Variants in IDH3A observed in about 807,000 individuals in gnomAD.
The protein encoded by IDH3A is isocitrate dehydrogenase (NAD(+)) 3 catalytic subunit alpha, also known as isocitrate dehydrogenase [NAD] subunit alpha, mitochondrial.
IDH3A carries 23 observed loss-of-function variants against 43.3 expected under a neutral mutation model. The observed-to-expected ratio is 0.53, with a 90% CI of 0.38 to 0.75. IDH3A has a LOEUF of 0.75. Ranked by LOEUF, IDH3A falls within the 30% of genes least tolerant of loss-of-function variation. IDH3A has a pLI of 0.00. For missense variants in IDH3A, 329 were observed against 474.4 expected, an observed-to-expected ratio of 0.69 and a Z score of 2.85; for synonymous variants, 154 against 163.5, an observed-to-expected ratio of 0.94 and a Z score of 0.44.
At chr15:78,168,195 G>T (rs1351129179) in intron 10 of IDH3A, 1 of 151,938 alleles carries the variant, frequency 6.6e-6, no homozygotes, top group African/African-American at 2.4e-5. Flanking sequence ...GCTGAGGCAG[G>T]AGGATCACCT....
At chr15:78,162,447 A>C (rs1466231612) in intron 6 of IDH3A, 80 bp downstream of exon 6, 1 of 1,502,020 alleles carries the variant, frequency 6.7e-7, no homozygotes, top group African/African-American at 1.4e-5. Flanking sequence ...TCTCCTCTTC[A>C]GCTTGTTCCT....
chr15:78,152,517 C>G (rs372102782), intron 1 of IDH3A, among the ~76,000 whole-genome samples: 1 of 151,778 alleles, frequency 6.6e-6, no homozygotes, highest in East Asian at 1.9e-4. Context: ...TGTGCCACCA[C>G]GCCTGGCTAA....
Position 78,171,397 on chromosome 15 carries a change from G to A in IDH3A, c.*2392G>A, listed in dbSNP as rs199991915. On this transcript the variant is annotated 3_prime_UTR_variant, in exon 11 of 11. Transcript: ENST00000299518. ...AGACCTGGGGCTCAGGAAGAGGCTCGGAACGCCTGCCCTCTATTCTATAGA... is the reference window on the plus strand; with the variant it reads ...AGACCTGGGGCTCAGGAAGAGGCTCAGAACGCCTGCCCTCTATTCTATAGA... 4.7e-4 allele frequency: 714 copies of A among 1,533,968 alleles called. No individual in the cohort carries two copies. Among genetic ancestry groups the A allele is most frequent in the African/African-American group, 8.5e-4 (62 of 72,974 alleles).
At chr15:78,163,397 T>C in intron 6 of IDH3A, 110 bp from the exon 7 acceptor site, 1 of 683,336 alleles carries the variant, frequency 1.5e-6, no homozygotes, top group South Asian at 1.9e-5. Context: ...TGGGATCAGG[T>C]AGCTTGGCTT....
intron 10 of IDH3A, 182 bp downstream of exon 10, chr15:78,166,484 C>G (rs2074744388): frequency 1.5e-6 from 1 of 653,296 alleles, no homozygotes; most frequent in Admixed American, 2.6e-5. Flanking sequence ...TGTGCATTTT[C>G]TGAGGTGAGG....
chr15:78,151,617 C>A (rs1346660164), intron 1 of IDH3A: 1 of 151,370 alleles, frequency 6.6e-6, no homozygotes, highest in Non-Finnish European at 1.5e-5. Context: ...CCATGTACAA[C>A]ACTATTTACA....
chr15:78,157,142 T>C, intron 2 of IDH3A: 2 of 1,115,330 alleles, frequency 1.8e-6, no homozygotes, highest in Non-Finnish European at 2.2e-6. Flanking sequence ...CTTGCCTTCA[T>C]GAGAAACCGT....
intron 10 of IDH3A, chr15:78,167,470 T>TA (rs2141304909): frequency 6.6e-6 from 1 of 152,346 alleles, no homozygotes; most frequent in South Asian, 2.1e-4. Flanking sequence ...GACTCATCCC[T>TA]AATTTGAGGT....
rs2074708319 is a variant in IDH3A at position 78,163,758 on chromosome 15, A to G, written c.757A>G (p.Asn253Asp). Residue 253 changes from asparagine (N) to aspartate (D), a missense_variant, in exon 8 of 11, where the codon AAT becomes GAT. By Grantham distance (23) the Asn-to-Asp change is conservative. Transcript: ENST00000299518. ...PSQFDVLVMP[N>D]LYGDILSDLC... Reference sequence around the variant, plus strand: ...CCAATTTGATGTTCTTGTTATGCCAAATTTGTATGGAGACATCCTTAGGTG... The same window carrying G: ...CCAATTTGATGTTCTTGTTATGCCAGATTTGTATGGAGACATCCTTAGGTG... 1.2e-6 allele frequency: 2 copies of G among 1,612,206 alleles called. No individual in the cohort carries two copies. The highest frequency in any genetic ancestry group is 1.7e-6 in the Non-Finnish European group (2 of 1,178,412).
In IDH3A at chr15:78,161,615, A is replaced by G. The variant is rs2074681955; in HGVS notation, c.324A>G (p.Pro108=). 1.9e-6 allele frequency: 3 copies of G among 1,614,032 alleles called. No homozygotes were observed. The African/African-American group carries it at 4.0e-5, about 22-fold the overall frequency. ...PLKTPIAAGH[P]SMNLLLRKTF... ...AGACCCCAATAGCAGCCGGTCACCC[A>G]TCTATGAATTTACTGCTGCGCAAAA... is the stretch of plus-strand genomic sequence containing the variant. The change falls in exon 5 of 11, where the codon CCA becomes CCG. Residue 108 remains proline (P), a synonymous_variant. Coordinates refer to ENST00000299518, the MANE Select transcript of IDH3A (RefSeq NM_005530.3). This position sits in a 1 kb window ranked among gnomAD's most constrained non-coding sequence, Gnocchi z 4.8.
intron 4 of IDH3A, among the ~76,000 whole-genome samples, chr15:78,160,811 T>C (rs1002917517): frequency 6.6e-6 from 1 of 151,878 alleles, no homozygotes; most frequent in Non-Finnish European, 1.5e-5. Flanking sequence ...ATTTTTATTA[T>C]TATTTTAATT....
At position 78,155,270 on chromosome 15, in the gene IDH3A, G is replaced by C; in HGVS notation, c.85G>C (p.Gly29Arg). Residue 29 changes from glycine (G) to arginine (R), a missense_variant, in exon 2 of 11, where the codon GGT (glycine) becomes CGT (arginine). This residue lies in a region of IDH3A where 212 missense variants were observed against 345.5 expected (regional missense o/e 0.61). Transcript: ENST00000299518. ...AAAACAGGTGACCAGAGGTTTTACT[G>C]GTGGTGTGAGTATAATTATGTCTTT... ...NPKQVTRGFT[G>R]GVQTVTLIPG... 3.1e-6 allele frequency: 5 copies of C among 1,608,666 alleles called. No individual in the cohort carries two copies. The highest frequency in any genetic ancestry group is 4.3e-6 in the Non-Finnish European group (5 of 1,175,328).
At chr15:78,154,510 A>G (rs928364947) in intron 1 of IDH3A, 3 of 152,268 alleles carry the variant, frequency 2.0e-5, no homozygotes, top group East Asian at 1.9e-4. Flanking sequence ...CATTTTGCCA[A>G]TTATTCGCTG....
At position 78,149,367 on chromosome 15, in the gene IDH3A, C is replaced by A. The variant is rs529223207; in HGVS notation, c.-37C>A. On this transcript the variant is annotated 5_prime_UTR_variant, in exon 1 of 11. Coordinates refer to ENST00000299518, the MANE Select transcript of IDH3A (RefSeq NM_005530.3). ...CGTGGGGTGGGCGCTTGCGCACTGC[C>A]GCTGCGGCTGTTGCTGCGGAGCCAG... 5 of 1,521,454 alleles carry A rather than the reference C, an allele frequency of 3.3e-6. No homozygotes were observed. The highest frequency in any genetic ancestry group is 4.4e-6 in the Non-Finnish European group (5 of 1,141,364). 94.2% of individuals were successfully genotyped at this position (1,521,454 alleles called of 1,614,324 possible).
intron 10 of IDH3A, chr15:78,168,417 A>G (rs1246233942): frequency 6.6e-6 from 1 of 152,142 alleles, no homozygotes; most frequent in Non-Finnish European, 1.5e-5. Context: ...TGAACCCAGG[A>G]GGCAGAGGTT....
chr15:78,156,910 C>A (rs2074627666), intron 2 of IDH3A: 1 of 1,351,728 alleles, frequency 7.4e-7, no homozygotes, highest in East Asian at 4.5e-5. Flanking sequence ...GGTTGCAGAT[C>A]AACTTTGCCA....
At chr15:78,164,438 TA>T (rs1373435353) in intron 8 of IDH3A, among the ~76,000 whole-genome samples, 2 of 151,600 alleles carry the variant, frequency 1.3e-5, no homozygotes, top group African/African-American at 2.4e-5. Context: ...CTGCAACCTC[TA>T]CCTCCCAGGT....
Position 78,162,225 on chromosome 15 carries a change from G to A in IDH3A, c.478-9G>A. 1 of 1,614,084 alleles carries A rather than the reference G, an allele frequency of 6.2e-7. No individual in the cohort carries two copies. Among genetic ancestry groups the A allele is most frequent in the African/African-American group, 1.3e-5 (1 of 75,058 alleles). ...TCTTTCCAGCAAGGTGGGACTTCCT[G>A]TCTTGCAGATTGTTGATGGAGTCGT... is the stretch of plus-strand genomic sequence containing the variant. On this transcript the variant is annotated splice_polypyrimidine_tract_variant and intron_variant, in intron 5 of 10. Coordinates refer to ENST00000299518, the MANE Select transcript of IDH3A (RefSeq NM_005530.3).
intron 1 of IDH3A, 73 bp downstream of exon 1, chr15:78,149,503 G>C (rs2074554943): frequency 7.4e-7 from 1 of 1,346,058 alleles, no homozygotes; most frequent in Non-Finnish European, 1.0e-6. Context: ...GTCGCGTGCC[G>C]GGTGTGGGCG....
Sources: allele counts gnomAD v4.1 joint callset (sites outside exome capture counted in the v4.1 genomes callset), GRCh38; gene constraint gnomAD v4.1.1; regional missense constraint gnomAD v4.1.1; non-coding constraint Gnocchi (gnomAD v3.1); transcripts MANE v1.5; gene names NCBI Gene and HGNC (gene_info 2026-07-23, HGNC 2026-07-21).